SSBP3: variants seen among roughly 807,000 people sequenced by gnomAD.
The protein encoded by SSBP3 is single stranded DNA binding protein 3.
Under a neutral mutation model 69.6 loss-of-function variants are expected in SSBP3, and 5 were observed. The ratio of observed to expected loss-of-function variants is 0.07; its 90% confidence interval spans 0.04 to 0.15. The LOEUF is 0.15. SSBP3 is among the 10% of genes least tolerant of loss of function. The probability of loss-of-function intolerance (pLI) is 1.00; values close to 1 mark genes in which losing one functional copy is unlikely to be tolerated. For missense variants in SSBP3, 312 were observed against 534.0 expected, an observed-to-expected ratio of 0.58 and a Z score of 4.10; for synonymous variants, 196 against 193.4, an observed-to-expected ratio of 1.01 and a Z score of -0.11.
chr1:54,412,190 G>T (rs374300558), intron 1 of SSBP3, among the ~76,000 whole-genome samples: 2 of 151,068 alleles, frequency 1.3e-5, no homozygotes, highest in African/African-American at 4.9e-5. Flanking sequence ...TCGGCCAGGC[G>T]TGGTGGCCTG....
intron 4 of SSBP3, among the ~76,000 whole-genome samples, chr1:54,331,651 C>T (rs1646412499): frequency 1.3e-5 from 2 of 152,236 alleles, no homozygotes; most frequent in South Asian, 2.1e-4. Context: ...CCCTGCAACA[C>T]GCTGGTCAGC....
chr1:54,362,245 C>CA (rs1646961782), intron 4 of SSBP3, among the ~76,000 whole-genome samples: 3 of 152,182 alleles, frequency 2.0e-5, no homozygotes, highest in South Asian at 4.1e-4. Context: ...AGAGCGAGCT[C>CA]AGTAACCCTG....
chr1:54,275,447 T>G (rs4927080), intron 5 of SSBP3, among the ~76,000 whole-genome samples: 2 of 152,230 alleles, frequency 1.3e-5, no homozygotes, highest in East Asian at 3.9e-4. Context: ...GCAGGAGGAA[T>G]GTCCGCTCCC....
chr1:54,301,579 C>T (rs1454792403), intron 4 of SSBP3, among the ~76,000 whole-genome samples: 1 of 152,218 alleles, frequency 6.6e-6, no homozygotes, highest in Non-Finnish European at 1.5e-5. Flanking sequence ...CGGGGACCCT[C>T]GCGGCTCCTA....
intron 9 of SSBP3, among the ~76,000 whole-genome samples, chr1:54,247,276 G>C (rs879431515): frequency 6.6e-6 from 1 of 152,238 alleles, no homozygotes; most frequent in Non-Finnish European, 1.5e-5. Flanking sequence ...CTTGCAGGAG[G>C]CAGGTGGGAA....
intron 4 of SSBP3, among the ~76,000 whole-genome samples, chr1:54,284,926 G>A (rs1645460809): frequency 6.6e-6 from 1 of 152,162 alleles, no homozygotes; most frequent in African/African-American, 2.4e-5. Context: ...GAATGCAACG[G>A]CCAGGGTCAC....
At chr1:54,254,821 C>CT (rs925861679) in intron 7 of SSBP3, among the ~76,000 whole-genome samples, 8 of 152,094 alleles carry the variant, frequency 5.3e-5, no homozygotes, top group Admixed American at 6.6e-5. Flanking sequence ...GTGTGGATTT[C>CT]TTTTTTTATC....
chr1:54,366,320 C>G (rs539535475), intron 4 of SSBP3, among the ~76,000 whole-genome samples: 1 of 152,292 alleles, frequency 6.6e-6, no homozygotes, highest in South Asian at 2.1e-4. Flanking sequence ...GTACCTGGTA[C>G]AGTATATTTG....
chr1:54,354,588 A>C (rs1431568656), intron 4 of SSBP3, among the ~76,000 whole-genome samples: 2 of 152,014 alleles, frequency 1.3e-5, no homozygotes, highest in Non-Finnish European at 2.9e-5. Context: ...CCTCTAACAC[A>C]CAGACCTCTC....
chr1:54,238,684 G>C, intron 14 of SSBP3: 1 of 314,444 alleles, frequency 3.2e-6, no homozygotes, highest in Admixed American at 4.7e-5. Context: ...CCTGGCAGCA[G>C]CACAGGCAGG....
At chr1:54,336,591 T>C (rs1226324480) in intron 4 of SSBP3, among the ~76,000 whole-genome samples, 2 of 152,104 alleles carry the variant, frequency 1.3e-5, no homozygotes, top group Non-Finnish European at 2.9e-5. Flanking sequence ...CTTTTCAAAG[T>C]CAACAGAGTA....
At chr1:54,330,947 T>C (rs551775423) in intron 4 of SSBP3, among the ~76,000 whole-genome samples, 6 of 152,130 alleles carry the variant, frequency 3.9e-5, no homozygotes, top group African/African-American at 9.7e-5. Context: ...CTGGAAGTAA[T>C]GAAGAAATGG....
intron 4 of SSBP3, among the ~76,000 whole-genome samples, chr1:54,351,361 A>C (rs945508464): frequency 1.6e-4 from 25 of 152,166 alleles, no homozygotes; most frequent in African/African-American, 5.8e-4. Flanking sequence ...ATTATACCCC[A>C]TTCCCAAGGT....
At chr1:54,303,394 A>AGGG (rs1645839640) in intron 4 of SSBP3, among the ~76,000 whole-genome samples, 1 of 152,114 alleles carries the variant, frequency 6.6e-6, no homozygotes, top group Non-Finnish European at 1.5e-5. Context: ...GGCAGGGGGC[A>AGGG]GGCCCTGGCA....
intron 4 of SSBP3, among the ~76,000 whole-genome samples, chr1:54,367,491 T>C (rs979183509): frequency 6.6e-6 from 1 of 152,138 alleles, no homozygotes; most frequent in Non-Finnish European, 1.5e-5. Flanking sequence ...TGTCAATTAA[T>C]ATGTATTAAG....
At chr1:54,402,804 G>A (rs1253696178) in intron 3 of SSBP3, among the ~76,000 whole-genome samples, 1 of 152,190 alleles carries the variant, frequency 6.6e-6, no homozygotes, top group Non-Finnish European at 1.5e-5. Context: ...CAAGTCCTAT[G>A]TCAACCAATA....
chr1:54,234,356 T>TAAA (rs112709537), intron 14 of SSBP3, among the ~76,000 whole-genome samples: 5 of 148,652 alleles, frequency 3.4e-5, no homozygotes, highest in Admixed American at 6.7e-5. Context: ...AAAAATAAAT[T>TAAA]AAAAAAAATA....
At chr1:54,324,313 G>C (rs1008676478) in intron 4 of SSBP3, among the ~76,000 whole-genome samples, 9 of 152,288 alleles carry the variant, frequency 5.9e-5, no homozygotes, top group Admixed American at 5.9e-4. Flanking sequence ...TCAGGCAAGG[G>C]GTTGGTCCCT....
At chr1:54,259,138 AC>A (rs1644974269) in intron 5 of SSBP3, among the ~76,000 whole-genome samples, 1 of 151,520 alleles carries the variant, frequency 6.6e-6, no homozygotes, top group South Asian at 2.1e-4. Context: ...CACCGCCTCA[AC>A]CCTGGGCTAT....
Sources: gnomAD v4.1 joint callset for allele counts (sites outside exome capture counted in the v4.1 genomes callset) on GRCh38, gnomAD v4.1.1 for gene constraint, MANE v1.5 for transcripts, NCBI Gene and HGNC (gene_info 2026-07-23, HGNC 2026-07-21) for gene names.